MID1: variants seen among roughly 807,000 people sequenced by gnomAD.
MID1 encodes the protein midline 1, also known as E3 ubiquitin-protein ligase Midline-1.
In MID1, 7 loss-of-function variants were observed where a neutral mutation model predicts 40.4. That is an observed-to-expected ratio of 0.17 (90% CI 0.10 to 0.33). The LOEUF is 0.33. Among genes scored for constraint, MID1 ranks in the 10% least tolerant of loss-of-function variants. The probability of loss-of-function intolerance (pLI) is 1.00; values close to 1 mark genes in which losing one functional copy is unlikely to be tolerated. For synonymous variants in MID1, 229 were observed against 221.2 expected (o/e 1.04, Z -0.31); for missense variants, 367 against 558.5 (o/e 0.66, Z 3.46).
At chrX:10,490,506 C>CT (rs1017535076) in intron 4 of MID1, among the ~76,000 whole-genome samples, 2 of 111,072 alleles carry the variant, frequency 1.8e-5, no homozygotes, top group Admixed American at 9.5e-5. Context: ...TAATGTGGTT[C>CT]TGTTAACAGA....
At chrX:10,727,551 T>C (rs2043402852) in intron 1 of MID1, among the ~76,000 whole-genome samples, 1 of 112,518 alleles carries the variant, frequency 8.9e-6, no homozygotes, top group Non-Finnish European at 1.9e-5. Context: ...CAATTTTTTT[T>C]CAAGACTTGA....
chrX:10,681,448 G>GTT (rs2043059980), intron 1 of MID1, among the ~76,000 whole-genome samples: 1 of 112,232 alleles, frequency 8.9e-6, no homozygotes, highest in South Asian at 3.7e-4. Flanking sequence ...GTTGATGCTG[G>GTT]TTGTTGCCTG....
intron 7 of MID1, among the ~76,000 whole-genome samples, chrX:10,468,130 C>T (rs1303548889): frequency 8.9e-6 from 1 of 112,202 alleles, no homozygotes. Context: ...GCATGACTTT[C>T]TCCACTTTCA....
chrX:10,578,155 T>G (rs1005521683), intron 1 of MID1, among the ~76,000 whole-genome samples: 3 of 112,770 alleles, frequency 2.7e-5, no homozygotes, highest in African/African-American at 9.7e-5. Context: ...CATAGATTTT[T>G]TGGCTTATGT....
intron 1 of MID1, among the ~76,000 whole-genome samples, chrX:10,573,830 C>T (rs1273176079): frequency 8.9e-6 from 1 of 111,799 alleles, no homozygotes; most frequent in African/African-American, 3.3e-5. Context: ...CCCGGTTTAG[C>T]ACTGACAGTT....
chrX:10,691,415 T>C (rs931400630), intron 1 of MID1, among the ~76,000 whole-genome samples: 2 of 111,263 alleles, frequency 1.8e-5, no homozygotes, highest in Non-Finnish European at 3.8e-5. Context: ...ATTGTGAAGA[T>C]TTCATGGACA....
upstream of MID1, among the ~76,000 whole-genome samples, chrX:10,622,576 C>T (rs1045982211): frequency 9.0e-6 from 1 of 111,713 alleles, no homozygotes; most frequent in Non-Finnish European, 1.9e-5. Flanking sequence ...TTTCAGAGAG[C>T]CTATTTGCCC....
At chrX:10,625,226 G>A (rs1901523511), upstream of MID1, among the ~76,000 whole-genome samples, 2 of 111,461 alleles carry the variant, frequency 1.8e-5, no homozygotes. Flanking sequence ...CCTTCCTCAG[G>A]GAAACCTCGA....
At chrX:10,745,181 T>C (rs1028165365) in intron 1 of MID1, among the ~76,000 whole-genome samples, 10 of 112,686 alleles carry the variant, frequency 8.9e-5, no homozygotes, top group Admixed American at 8.4e-4. Flanking sequence ...ATCTAGAGGA[T>C]GTTTAGATGA....
intron 1 of MID1, among the ~76,000 whole-genome samples, chrX:10,605,337 T>C (rs899953244): frequency 5.4e-5 from 6 of 111,911 alleles, no homozygotes; most frequent in Non-Finnish European, 1.1e-4. Flanking sequence ...GTGCATGATG[T>C]TACTACATCA....
intron 1 of MID1, among the ~76,000 whole-genome samples, chrX:10,755,236 G>A (rs1356493161): frequency 1.8e-5 from 2 of 111,721 alleles, no homozygotes; most frequent in African/African-American, 3.3e-5. Context: ...AGTGATTCAC[G>A]GAGAAGATTG....
At chrX:10,753,687 C>A (rs2043613652) in intron 1 of MID1, among the ~76,000 whole-genome samples, 1 of 111,538 alleles carries the variant, frequency 9.0e-6, no homozygotes, top group African/African-American at 3.3e-5. Flanking sequence ...GGAAACATTT[C>A]TCTCTGCCTG....
intron 1 of MID1, among the ~76,000 whole-genome samples, chrX:10,616,835 A>T (rs1444047073): frequency 3.5e-5 from 4 of 112,960 alleles, no homozygotes; most frequent in Non-Finnish European, 7.5e-5. Flanking sequence ...TGAGCTCTAT[A>T]AACCATGTGC....
chrX:10,661,762 C>G (rs1022059024), intron 1 of MID1, among the ~76,000 whole-genome samples: 2 of 112,015 alleles, frequency 1.8e-5, no homozygotes, highest in Non-Finnish European at 3.8e-5. Flanking sequence ...TGACATTACT[C>G]TCAATATTTG....
intron 3 of MID1, among the ~76,000 whole-genome samples, chrX:10,505,066 T>G (rs1452917327): frequency 8.9e-6 from 1 of 112,142 alleles, no homozygotes; most frequent in Non-Finnish European, 1.9e-5. Context: ...ATACTTTTGA[T>G]GAAAATATCT....
At chrX:10,544,257 C>T (rs1381089311) in intron 2 of MID1, among the ~76,000 whole-genome samples, 1 of 109,730 alleles carries the variant, frequency 9.1e-6, no homozygotes, top group African/African-American at 3.3e-5. Context: ...ATGATTGTTG[C>T]ACTGGTTTAA....
intron 1 of MID1, among the ~76,000 whole-genome samples, chrX:10,731,908 C>T (rs942500882): frequency 9.3e-5 from 9 of 96,395 alleles, no homozygotes; most frequent in Non-Finnish European, 8.0e-5. Flanking sequence ...TGCAGTGAGC[C>T]GAGATAGTGC....
At chrX:10,613,760 GAGAGAGAGACAGAC>G (rs1165279985) in intron 1 of MID1, among the ~76,000 whole-genome samples, 18 of 88,073 alleles carry the variant, frequency 2.0e-4, no homozygotes, top group African/African-American at 8.1e-4. Flanking sequence ...GAGAGAGAGA[GAGAGAGAGACAGAC>G]AGACAGACAG....
chrX:10,509,918 C>G (rs1225793847), intron 3 of MID1, among the ~76,000 whole-genome samples: 1 of 112,037 alleles, frequency 8.9e-6, no homozygotes, highest in Non-Finnish European at 1.9e-5. Context: ...GGAGTCCAAC[C>G]AACTAGGAGA....
Sources: gnomAD v4.1 joint callset for allele counts (sites outside exome capture counted in the v4.1 genomes callset) on GRCh38, gnomAD v4.1.1 for gene constraint, MANE v1.5 for transcripts, NCBI Gene and HGNC (gene_info 2026-07-23, HGNC 2026-07-21) for gene names.